The following NRG1 variants were observed in gnomAD, a reference collection of about 807,000 sequenced individuals.
NRG1 encodes the protein neuregulin 1.
A neutral mutation model predicts 63.8 loss-of-function variants in NRG1; 18 were observed. The observed-to-expected ratio is 0.28, with a 90% confidence interval of 0.19 to 0.42. The LOEUF is 0.42. NRG1 is among the 10% of genes least tolerant of loss of function. The pLI is 1.00. For synonymous variants in NRG1, 302 were observed against 301.3 expected, an observed-to-expected ratio of 1.00 and a Z score of -0.02; for missense variants, 762 against 814.7, an observed-to-expected ratio of 0.94 and a Z score of 0.79.
chr8:31,716,217 C>T (rs1265338805), intron 1 of NRG1, among the ~76,000 whole-genome samples: 4 of 152,144 alleles, frequency 2.6e-5, no homozygotes, highest in South Asian at 2.1e-4. Flanking sequence ...TATGGAACCA[C>T]CCACCAATTC....
intron 1 of NRG1, among the ~76,000 whole-genome samples, chr8:32,428,199 G>T (rs1329638700): frequency 6.6e-6 from 1 of 152,112 alleles, no homozygotes; most frequent in African/African-American, 2.4e-5. Flanking sequence ...CCATTTCGGT[G>T]GTAAAGCAAG....
intron 1 of NRG1, among the ~76,000 whole-genome samples, chr8:32,384,030 T>G (rs1810684617): frequency 6.6e-6 from 1 of 151,604 alleles, no homozygotes; most frequent in Non-Finnish European, 1.5e-5. Context: ...AGCCCAGGAG[T>G]TTAAGATCAG....
intron 1 of NRG1, among the ~76,000 whole-genome samples, chr8:32,436,421 C>G (rs954803425): frequency 6.6e-6 from 1 of 152,122 alleles, no homozygotes; most frequent in African/African-American, 2.4e-5. Flanking sequence ...ATCTTCATTC[C>G]TTAAGTTTTC....
intron 1 of NRG1, among the ~76,000 whole-genome samples, chr8:32,416,083 A>G (rs1367611945): frequency 6.6e-6 from 1 of 152,218 alleles, no homozygotes; most frequent in African/African-American, 2.4e-5. Context: ...TTAGATTTAA[A>G]TGACAATTCT....
At chr8:31,889,835 T>A (rs1324752092) in intron 1 of NRG1, among the ~76,000 whole-genome samples, 3 of 152,134 alleles carry the variant, frequency 2.0e-5, no homozygotes, top group African/African-American at 7.2e-5. Flanking sequence ...CTGGTTTGCA[T>A]GTTCCATGCA....
intron 1 of NRG1, among the ~76,000 whole-genome samples, chr8:32,339,082 T>C (rs1473147278): frequency 6.6e-6 from 1 of 152,082 alleles, no homozygotes; most frequent in Non-Finnish European, 1.5e-5. Flanking sequence ...AATTGTCACT[T>C]TTTAGAGTCA....
At chr8:32,004,602 TA>T (rs1464619264) in intron 1 of NRG1, among the ~76,000 whole-genome samples, 1 of 151,448 alleles carries the variant, frequency 6.6e-6, no homozygotes, top group Non-Finnish European at 1.5e-5. Context: ...GTCTGTTGAT[TA>T]AAAAAAATTA....
At chr8:32,325,275 T>C (rs766533302) in intron 1 of NRG1, among the ~76,000 whole-genome samples, 5 of 152,156 alleles carry the variant, frequency 3.3e-5, no homozygotes, top group Admixed American at 1.3e-4. Context: ...GTAAATAAAG[T>C]CATAATTCAA....
intron 1 of NRG1, among the ~76,000 whole-genome samples, chr8:31,893,206 G>A (rs1407439887): frequency 6.7e-6 from 1 of 150,334 alleles, no homozygotes; most frequent in African/African-American, 2.4e-5. Flanking sequence ...AGGGAGGAAA[G>A]TACCATTAAA....
chr8:32,585,853 T>C (rs536272827), intron 1 of NRG1, among the ~76,000 whole-genome samples: 9 of 152,264 alleles, frequency 5.9e-5, no homozygotes, highest in African/African-American at 1.9e-4. Flanking sequence ...TATTGATAGA[T>C]CATTAAATAA....
At chr8:32,404,266 G>A (rs1334210324) in intron 1 of NRG1, among the ~76,000 whole-genome samples, 3 of 152,126 alleles carry the variant, frequency 2.0e-5, no homozygotes, top group African/African-American at 7.2e-5. Context: ...ATGCAAAGGG[G>A]CGGGGGTAAT....
intron 1 of NRG1, among the ~76,000 whole-genome samples, chr8:31,955,228 T>C (rs1362933103): frequency 6.6e-6 from 1 of 152,144 alleles, no homozygotes; most frequent in Non-Finnish European, 1.5e-5. Context: ...ATAAAAGTCA[T>C]ATAAGAGACT....
intron 1 of NRG1, among the ~76,000 whole-genome samples, chr8:32,182,849 A>G (rs78944519): frequency 0.054 from 8,180 of 152,276 alleles, 362 homozygotes; most frequent in African/African-American, 0.12. Context: ...ATCAAAATAA[A>G]AGAGTATCAG....
intron 7 of NRG1, among the ~76,000 whole-genome samples, chr8:32,748,134 C>A (rs1253536551): frequency 1.3e-5 from 2 of 152,118 alleles, no homozygotes; most frequent in East Asian, 3.9e-4. Flanking sequence ...TTTTTCCATG[C>A]CCAAATGCAA....
intron 1 of NRG1, among the ~76,000 whole-genome samples, chr8:32,470,369 T>G (rs1005256457): frequency 6.6e-6 from 1 of 151,744 alleles, no homozygotes; most frequent in Non-Finnish European, 1.5e-5. Flanking sequence ...TTTTCTTTTT[T>G]TCTTTTTTGT....
intron 1 of NRG1, among the ~76,000 whole-genome samples, chr8:32,444,542 A>C (rs564394682): frequency 2.2e-4 from 34 of 152,344 alleles, no homozygotes; most frequent in African/African-American, 7.9e-4. Context: ...ACTTTGTAGA[A>C]GAGCCAAGGT....
rs1488850264 is a variant in NRG1, at chr8:31,735,523, A to G, written c.37+96092A>G. Among the ~76,000 whole-genome samples, 5 of 152,320 alleles carry G rather than the reference A, an allele frequency of 3.3e-5. No individual in the cohort carries two copies. The East Asian group carries it at 9.7e-4, about 29-fold the overall frequency. On this transcript the variant is annotated intron_variant, in intron 1 of 10. Transcript: ENST00000519301. The stretch of plus-strand genomic sequence containing the variant: ...CATGTGAATGGTTAACAAAAACTGT[A>G]TACTTTAGTCTTTAAGTGGAACCTC...
At chr8:32,764,646 G>A in exon 12 of NRG1, 1 of 332,786 alleles carries the variant, frequency 3.0e-6, no homozygotes, top group Non-Finnish European at 5.4e-6. Context: ...TCGAGAGCAA[G>A]TTTTGTACAG....
At chr8:32,226,830 G>C (rs377317779) in intron 1 of NRG1, among the ~76,000 whole-genome samples, 1 of 152,094 alleles carries the variant, frequency 6.6e-6, no homozygotes, top group Non-Finnish European at 1.5e-5. Flanking sequence ...AAGTTGTTTT[G>C]ACTTCACAAC....
Sources: gnomAD v4.1 joint callset for allele counts (sites outside exome capture counted in the v4.1 genomes callset) on GRCh38, gnomAD v4.1.1 for gene constraint, MANE v1.5 for transcripts, NCBI Gene and HGNC (gene_info 2026-07-23, HGNC 2026-07-21) for gene names.